Variants in CTIF observed in about 807,000 individuals in gnomAD.
The protein encoded by CTIF is CBP80/20-dependent translation initiation factor.
A neutral mutation model predicts 66.0 loss-of-function variants in CTIF; 21 were observed. That is an observed-to-expected ratio of 0.32 (90% CI 0.23 to 0.46). The LOEUF (loss-of-function observed/expected upper bound fraction) is 0.46, where lower values mean the gene tolerates loss of function less well. CTIF is among the 20% of genes least tolerant of loss of function. The pLI is 1.00. For missense variants in CTIF, 739 were observed against 812.7 expected (o/e 0.91, Z 1.10); for synonymous variants, 345 against 326.4 (o/e 1.06, Z -0.62).
At chr18:48,578,277 G>T (rs2089579606) in intron 1 of CTIF, among the ~76,000 whole-genome samples, 1 of 152,112 alleles carries the variant, frequency 6.6e-6, no homozygotes, top group East Asian at 1.9e-4. Flanking sequence ...GAATAATGCT[G>T]CTCTGAATGT....
intron 7 of CTIF, among the ~76,000 whole-genome samples, chr18:48,718,939 C>T (rs745650952): frequency 3.3e-5 from 5 of 152,256 alleles, no homozygotes; most frequent in Non-Finnish European, 7.4e-5. Flanking sequence ...AGGCCCTCAG[C>T]GTCTGACAGA....
At chr18:48,615,923 A>T (rs571969288) in intron 1 of CTIF, among the ~76,000 whole-genome samples, 3 of 152,340 alleles carry the variant, frequency 2.0e-5, no homozygotes, top group African/African-American at 7.2e-5. Context: ...CGGGGCACCA[A>T]AAGGCTGCAG....
At position 48,586,633 on chromosome 18, in the gene CTIF, C is replaced by T. The variant is rs901388904; in HGVS notation, c.-28-32905C>T. Among the ~76,000 whole-genome samples the T allele has an allele frequency of 2.2e-4, 33 of 152,148 alleles. 1 individual carries two copies. Among genetic ancestry groups the T allele is most frequent in the Admixed American group, 2.2e-3 (33 of 15,270 alleles). ...TTTGCATTTCTTTGGTTAGTCACTG[C>T]GAAGATTTTTCAGGAATTTATAACC... is the stretch of plus-strand genomic sequence containing the variant. On this transcript the variant is annotated intron_variant, in intron 1 of 11. Transcript: ENST00000256413.
intron 3 of CTIF, among the ~76,000 whole-genome samples, chr18:48,643,500 G>T (rs2090970876): frequency 6.6e-6 from 1 of 152,170 alleles, no homozygotes; most frequent in Non-Finnish European, 1.5e-5. Context: ...TCTGGAATGG[G>T]GGTGTCATGA....
chr18:48,841,174 A>T (rs2068932004), intron 10 of CTIF, among the ~76,000 whole-genome samples: 2 of 152,188 alleles, frequency 1.3e-5, no homozygotes, highest in African/African-American at 4.8e-5. Flanking sequence ...CATCCCATAA[A>T]CAATCTTCTA....
intron 1 of CTIF, among the ~76,000 whole-genome samples, chr18:48,551,146 AAAG>A (rs1261186624): frequency 1.3e-5 from 2 of 150,234 alleles, no homozygotes; most frequent in Admixed American, 6.7e-5. Flanking sequence ...GGTGTCCTTA[AAAG>A]AAGAAGAGGA....
chr18:48,839,447 C>T (rs1342423057), intron 10 of CTIF, among the ~76,000 whole-genome samples: 1 of 152,232 alleles, frequency 6.6e-6, no homozygotes, highest in African/African-American at 2.4e-5. Flanking sequence ...GTTCTAAGAG[C>T]CACCACTGAC....
intron 5 of CTIF, among the ~76,000 whole-genome samples, chr18:48,664,983 C>T (rs534314580): frequency 8.8e-5 from 13 of 147,850 alleles, no homozygotes; most frequent in Middle Eastern, 7.2e-3. Flanking sequence ...GGCGCAATCT[C>T]GGCTCACTGC....
chr18:48,666,651 A>T (rs995966379), intron 5 of CTIF, among the ~76,000 whole-genome samples: 1 of 152,082 alleles, frequency 6.6e-6, no homozygotes, highest in Admixed American at 6.5e-5. Context: ...TGTGGGTTCC[A>T]TTTCTCTTTG....
intron 10 of CTIF, among the ~76,000 whole-genome samples, chr18:48,848,062 C>A (rs541621488): frequency 2.5e-4 from 38 of 152,136 alleles, no homozygotes; most frequent in Non-Finnish European, 4.7e-4. Context: ...TAGGTGGCAA[C>A]CATCCTAGAG....
chr18:48,621,609 G>A, intron 2 of CTIF: 6 of 359,288 alleles, frequency 1.7e-5, no homozygotes, highest in South Asian at 1.2e-4. Context: ...GAGTGGGATG[G>A]GGAGACTGCC....
At chr18:48,610,575 C>T (rs1201292111) in intron 1 of CTIF, among the ~76,000 whole-genome samples, 1 of 152,232 alleles carries the variant, frequency 6.6e-6, no homozygotes, top group Non-Finnish European at 1.5e-5. Context: ...CTTCCACACT[C>T]CTGCGGGCTG....
intron 1 of CTIF, 106 bp from the exon 2 acceptor site, chr18:48,619,432 G>A (rs2090452969): frequency 1.4e-6 from 1 of 711,128 alleles, no homozygotes; most frequent in Non-Finnish European, 2.1e-6. Context: ...AGAACGCCAT[G>A]ATGGATAAGA....
chr18:48,696,202 C>T (rs1056159129), intron 6 of CTIF, among the ~76,000 whole-genome samples: 3 of 152,186 alleles, frequency 2.0e-5, no homozygotes, highest in African/African-American at 7.2e-5. Flanking sequence ...CTTAGGAGTC[C>T]CTGGAGTCCC....
Position 48,758,289 on chromosome 18 carries a change from C to T in CTIF, c.955C>T (p.Pro319Ser). The T allele has an allele frequency of 1.9e-6, 3 of 1,613,342 alleles. No individual in the cohort carries two copies. The highest frequency in any genetic ancestry group is 1.7e-6 in the Non-Finnish European group (2 of 1,179,908). The change falls in exon 8 of 12, where the codon CCA becomes TCA. Residue 319 changes from proline (P) to serine (S), a missense_variant. This residue lies in a region of CTIF where 529 missense variants were observed against 520.3 expected (regional missense o/e 1.02). Transcript: ENST00000256413. ...ERLPPQQSGG[P>S]EVETKRKDSI... ...GCTGCCCCCACAGCAGTCAGGGGGG[C>T]CAGAGGTTGAGACAAAACGTAAAGA...
At chr18:48,552,576 G>A (rs1338752020) in intron 1 of CTIF, among the ~76,000 whole-genome samples, 1 of 152,076 alleles carries the variant, frequency 6.6e-6, no homozygotes, top group Non-Finnish European at 1.5e-5. Context: ...CGTTCTCTGG[G>A]GTGTCCTTTA....
At chr18:48,579,302 T>C (rs1281885590) in intron 1 of CTIF, among the ~76,000 whole-genome samples, 1 of 152,028 alleles carries the variant, frequency 6.6e-6, no homozygotes, top group Non-Finnish European at 1.5e-5. Context: ...CATGCTACCA[T>C]GCCTGGCTAA....
intron 6 of CTIF, among the ~76,000 whole-genome samples, chr18:48,682,212 A>G (rs1359736729): frequency 6.6e-6 from 1 of 152,178 alleles, no homozygotes; most frequent in Non-Finnish European, 1.5e-5. Flanking sequence ...ATATATTCCT[A>G]GAGCACAGCT....
intron 6 of CTIF, among the ~76,000 whole-genome samples, chr18:48,687,425 C>A (rs905264619): frequency 7.9e-5 from 12 of 151,698 alleles, no homozygotes; most frequent in Non-Finnish European, 1.8e-4. Context: ...CTGGGAAAAT[C>A]TCTGCTTGGA....
Sources: gnomAD v4.1 joint callset for allele counts (sites outside exome capture counted in the v4.1 genomes callset) on GRCh38, gnomAD v4.1.1 for gene constraint, gnomAD v4.1.1 regional missense constraint, MANE v1.5 for transcripts, NCBI Gene and HGNC (gene_info 2026-07-23, HGNC 2026-07-21) for gene names.